Variants in AFF3 observed in about 807,000 individuals in gnomAD.
The protein encoded by AFF3 is AF4/FMR2 family member 3.
A neutral mutation model predicts 129.7 loss-of-function variants in AFF3; 32 were observed. The ratio of observed to expected loss-of-function variants is 0.25; its 90% CI spans 0.19 to 0.33. The LOEUF is 0.33. Among genes scored for constraint, AFF3 ranks in the 10% least tolerant of loss-of-function variants. AFF3 has a pLI of 1.00. For synonymous variants in AFF3, 644 were observed against 635.4 expected (o/e 1.01, Z -0.20); for missense variants, 1,373 against 1,592.0 (o/e 0.86, Z 2.34).
intron 7 of AFF3, among the ~76,000 whole-genome samples, chr2:99,950,626 T>TCA (rs1240910329): frequency 1.3e-5 from 2 of 152,232 alleles, no homozygotes; most frequent in African/African-American, 4.8e-5. Context: ...TGAAATCATT[T>TCA]TATCTTACAA....
In AFF3 at chr2:99,551,663, T is replaced by C. The variant is rs908410900; in HGVS notation, c.3560-68A>G. 3.8e-6 allele frequency: 6 copies of C among 1,587,426 alleles called. No homozygotes were observed. The African/African-American group carries it at 5.4e-5, about 14-fold the overall frequency. ...GGTGTGCTATCCTGAGCAACTGATG[T>C]AAGGAAAAATTCCATTCATGGTCTC... On this transcript the variant is annotated intron_variant, in intron 24 of 24. Transcript: ENST00000672756.
rs1439193235 is a variant in AFF3 at position 99,549,806 on chromosome 2, C to G, written c.*1668G>C. 1 of 219,734 alleles carries G rather than the reference C, an allele frequency of 4.6e-6. No individual in the cohort carries two copies. Among genetic ancestry groups the G allele is most frequent in the Non-Finnish European group, 9.1e-6 (1 of 109,688 alleles). 13.6% of individuals were successfully genotyped at this position (219,734 alleles called of 1,614,324 possible). On this transcript the variant is annotated 3_prime_UTR_variant, in exon 25 of 25. Coordinates refer to ENST00000672756, the MANE Select transcript of AFF3 (RefSeq NM_001386135.1). ...TTATGATGATCTTACTTCCCACCTA[C>G]AGATCAGGCTAACAAAAATGTTAAC...
intron 7 of AFF3, among the ~76,000 whole-genome samples, chr2:99,916,174 G>C (rs920982321): frequency 6.6e-6 from 1 of 152,150 alleles, no homozygotes; most frequent in South Asian, 2.1e-4. Context: ...GGAGAGCTCA[G>C]TTAAAAGAAA....
intron 7 of AFF3, among the ~76,000 whole-genome samples, chr2:99,860,187 C>A (rs986496286): frequency 6.6e-6 from 1 of 151,824 alleles, no homozygotes; most frequent in African/African-American, 2.4e-5. Flanking sequence ...GAGGCTGAGG[C>A]GGGAGGATCA....
intron 4 of AFF3, among the ~76,000 whole-genome samples, chr2:100,088,026 C>T (rs898814443): frequency 3.3e-5 from 5 of 150,670 alleles, no homozygotes; most frequent in African/African-American, 9.8e-5. Flanking sequence ...CTTCCTTAAC[C>T]TGATAAAGGG....
intron 4 of AFF3, among the ~76,000 whole-genome samples, chr2:100,018,483 G>A (rs1035006138): frequency 2.2e-4 from 33 of 152,104 alleles, no homozygotes; most frequent in Admixed American, 2.2e-3. Context: ...CTTTTCCTGA[G>A]GGATCCTAAG....
At chr2:99,800,471 A>C (rs1260198721) in intron 8 of AFF3, among the ~76,000 whole-genome samples, 1 of 152,196 alleles carries the variant, frequency 6.6e-6, no homozygotes, top group Non-Finnish European at 1.5e-5. Context: ...AGAGATGTAA[A>C]ATGATATAAG....
At chr2:99,593,072 A>G in intron 15 of AFF3, 123 bp downstream of exon 15, 1 of 1,172,144 alleles carries the variant, frequency 8.5e-7, no homozygotes, top group Non-Finnish European at 1.2e-6. Context: ...AGGACACACA[A>G]AACTCCTGCG....
Position 100,021,842 on chromosome 2 carries a change from A to C in AFF3, c.54-12910T>G, listed in dbSNP as rs35509353. 8.6e-3 allele frequency among the ~76,000 whole-genome samples: 1,306 copies of C among 152,332 alleles called. 9 individuals carry two copies. Among genetic ancestry groups the C allele is most frequent in the Middle Eastern group, 0.02 (6 of 294 alleles). On this transcript the variant is annotated intron_variant, in intron 4 of 24. Coordinates refer to ENST00000672756, the MANE Select transcript of AFF3 (RefSeq NM_001386135.1). ...AGAATCGGGATTCTAAGTTGCATGG[A>C]AACTGTGGATATTAAAAACAATTTA... is the stretch of plus-strand genomic sequence containing the variant.
At chr2:99,618,424 C>T (rs929935258) in intron 13 of AFF3, among the ~76,000 whole-genome samples, 12 of 151,694 alleles carry the variant, frequency 7.9e-5, no homozygotes, top group East Asian at 1.9e-4. Context: ...TTAGTAAAGA[C>T]GGAGTTTTGC....
chr2:99,547,128 C>A lies in AFF3; in HGVS notation c.*4346G>T. On this transcript the variant is annotated 3_prime_UTR_variant, in exon 25 of 25. Coordinates refer to ENST00000672756, the MANE Select transcript of AFF3 (RefSeq NM_001386135.1). Reference sequence around the variant, plus strand: ...AGCCATTTATGAAACAAAAAGATTGCTTTTCGAGATTATAAACTGGGAGCC... The same window carrying A: ...AGCCATTTATGAAACAAAAAGATTGATTTTCGAGATTATAAACTGGGAGCC... 4.6e-6 allele frequency: 1 copy of A among 218,656 alleles called. No homozygotes were observed. The highest frequency in any genetic ancestry group is 9.2e-6 in the Non-Finnish European group (1 of 108,926). 13.5% of individuals were successfully genotyped at this position (218,656 alleles called of 1,614,324 possible).
chr2:100,011,627 T>C (rs912516285), intron 4 of AFF3: 3 of 778,620 alleles, frequency 3.9e-6, no homozygotes, highest in Non-Finnish European at 7.2e-6. Flanking sequence ...TGATTAGCCT[T>C]GAGTATCTTA....
intron 7 of AFF3, among the ~76,000 whole-genome samples, chr2:99,976,670 C>T (rs560331925): frequency 9.9e-5 from 15 of 152,234 alleles, no homozygotes; most frequent in Admixed American, 5.2e-4. Flanking sequence ...CCCACTAAAA[C>T]GGGAATGGAC....
In AFF3 at chr2:99,842,907, A is replaced by G. The variant is rs576192549; in HGVS notation, c.874-5383T>C. The stretch of plus-strand genomic sequence containing the variant: ...GCTGCACAAGTCCTCATTTTTGAAA[A>G]TAGTTTAACTCTTTATCACACACAT... On this transcript the variant is annotated intron_variant, in intron 7 of 24. Coordinates refer to ENST00000672756, the MANE Select transcript of AFF3 (RefSeq NM_001386135.1). Among the ~76,000 whole-genome samples the G allele has an allele frequency of 2.1e-4, 32 of 152,334 alleles. No individual in the cohort carries two copies. The East Asian group carries it at 6.2e-3, about 29-fold the overall frequency.
chr2:99,685,024 C>T (rs187600264), intron 11 of AFF3, among the ~76,000 whole-genome samples: 5 of 151,706 alleles, frequency 3.3e-5, no homozygotes, highest in East Asian at 1.9e-4. Context: ...CCACAACCTC[C>T]GCCTCCCATG....
intron 1 of AFF3, among the ~76,000 whole-genome samples, chr2:100,135,666 C>T (rs1692610952): frequency 1.3e-5 from 2 of 152,118 alleles, no homozygotes; most frequent in Admixed American, 1.3e-4. Context: ...TTGTTTTGAG[C>T]CACCATGGTT....
chr2:99,667,770 T>C (rs1465148193), intron 12 of AFF3, among the ~76,000 whole-genome samples: 3 of 152,136 alleles, frequency 2.0e-5, no homozygotes, highest in African/African-American at 7.2e-5. Context: ...GACTTATTAC[T>C]GAAGAACAGT....
intron 11 of AFF3, among the ~76,000 whole-genome samples, chr2:99,717,424 G>A (rs1174809396): frequency 6.6e-6 from 1 of 152,012 alleles, no homozygotes; most frequent in Admixed American, 6.6e-5. Context: ...CATTCTAGTG[G>A]GTGTATACTG....
chr2:99,909,325 C>T (rs368644915), intron 7 of AFF3, among the ~76,000 whole-genome samples: 4 of 134,876 alleles, frequency 3.0e-5, no homozygotes, highest in Non-Finnish European at 4.7e-5. Flanking sequence ...CATCACACAC[C>T]GGGGACTGCT....
Sources: allele counts gnomAD v4.1 joint callset (sites outside exome capture counted in the v4.1 genomes callset), GRCh38; gene constraint gnomAD v4.1.1; transcripts MANE v1.5; gene names NCBI Gene and HGNC (gene_info 2026-07-23, HGNC 2026-07-21).